KLF8: variants seen among roughly 807,000 people sequenced by gnomAD.
KLF8 encodes Krueppel-like factor 8.
KLF8 carries 10 observed loss-of-function variants against 18.2 expected under a neutral mutation model. The ratio of observed to expected loss-of-function variants is 0.55; its 90% confidence interval spans 0.34 to 0.93. The LOEUF (loss-of-function observed/expected upper bound fraction) is 0.93, where lower values mean the gene tolerates loss of function less well. KLF8 is among the 40% of genes least tolerant of loss of function. The pLI, the probability that KLF8 is intolerant of heterozygous loss-of-function variation, is 0.02. For missense variants in KLF8, 264 were observed against 277.9 expected, an observed-to-expected ratio of 0.95 and a Z score of 0.36; for synonymous variants, 109 against 97.3, an observed-to-expected ratio of 1.12 and a Z score of -0.71.
At chrX:56,213,432 C>T in the KLF8 span, among the ~76,000 whole-genome samples, 1 of 102,488 alleles carries the variant, frequency 9.8e-6, no homozygotes, top group Non-Finnish European at 2.0e-5. Flanking sequence ...AGCAATTCTC[C>T]TGCCTCAGGC....
chrX:56,076,622 G>C, the KLF8 span, among the ~76,000 whole-genome samples: 154 of 111,422 alleles, frequency 1.4e-3, 1 homozygote, highest in African/African-American at 4.4e-3. Flanking sequence ...TGTCTTTATA[G>C]CAGCATGACT....
the KLF8 span, among the ~76,000 whole-genome samples, chrX:55,937,748 TTCA>T: frequency 2.0e-4 from 22 of 112,393 alleles, no homozygotes; most frequent in African/African-American, 6.5e-4. Context: ...AGTAGCTGAT[TTCA>T]TCAACTGGAA....
intron 5 of KLF8, among the ~76,000 whole-genome samples, chrX:56,278,186 C>T (rs1035314448): frequency 2.7e-5 from 3 of 111,912 alleles, no homozygotes; most frequent in South Asian, 3.8e-4. Context: ...ACAAAGTCCC[C>T]TTTACTTTTC....
chrX:55,949,516 G>C, the KLF8 span, among the ~76,000 whole-genome samples: 1 of 111,138 alleles, frequency 9.0e-6, no homozygotes. Flanking sequence ...AAGAAGCACC[G>C]GGCATGGTGG....
the KLF8 span, among the ~76,000 whole-genome samples, chrX:56,201,440 G>A: frequency 9.0e-6 from 1 of 111,486 alleles, no homozygotes; most frequent in Non-Finnish European, 1.9e-5. Context: ...CATGGTAGTT[G>A]TTAGGGGTTG....
the KLF8 span, among the ~76,000 whole-genome samples, chrX:56,171,954 G>A: frequency 1.8e-5 from 2 of 111,190 alleles, no homozygotes; most frequent in Admixed American, 9.6e-5. Context: ...CCACACTATC[G>A]TCCACAATGG....
the KLF8 span, among the ~76,000 whole-genome samples, chrX:55,911,652 A>G: frequency 9.0e-6 from 1 of 111,635 alleles, no homozygotes; most frequent in Non-Finnish European, 1.9e-5. Flanking sequence ...CGAGGAAGGG[A>G]ATTGAGAGAA....
chrX:56,029,393 C>T, the KLF8 span, among the ~76,000 whole-genome samples: 3 of 111,395 alleles, frequency 2.7e-5, no homozygotes, highest in Non-Finnish European at 3.8e-5. Context: ...TGATGAGTCA[C>T]TTTATGTCCT....
chrX:56,106,572 A>T, the KLF8 span, among the ~76,000 whole-genome samples: 2 of 112,139 alleles, frequency 1.8e-5, no homozygotes, highest in Middle Eastern at 4.6e-3. Context: ...CAGGTCACTT[A>T]AGTTCTTCCC....
chrX:56,056,162 T>C, the KLF8 span, among the ~76,000 whole-genome samples: 4 of 111,913 alleles, frequency 3.6e-5, no homozygotes, highest in South Asian at 1.5e-3. Flanking sequence ...GTCAGGGTTC[T>C]TGTGTTGGTT....
At chrX:56,160,534 G>A in the KLF8 span, among the ~76,000 whole-genome samples, 1 of 111,487 alleles carries the variant, frequency 9.0e-6, no homozygotes, top group Non-Finnish European at 1.9e-5. Flanking sequence ...AAGTCTCTTT[G>A]TAGGTTACTA....
chrX:56,079,945 GT>G, the KLF8 span, among the ~76,000 whole-genome samples: 1 of 111,001 alleles, frequency 9.0e-6, no homozygotes, highest in African/African-American at 3.3e-5. Context: ...TTTAAAGTCT[GT>G]TTTATCAGAG....
At chrX:55,965,419 G>A in the KLF8 span, among the ~76,000 whole-genome samples, 3 of 111,652 alleles carry the variant, frequency 2.7e-5, no homozygotes, top group Admixed American at 2.8e-4. Flanking sequence ...CAAACCCACA[G>A]CCAACATCAT....
At chrX:56,081,022 G>C in the KLF8 span, among the ~76,000 whole-genome samples, 3 of 110,486 alleles carry the variant, frequency 2.7e-5, no homozygotes, top group Non-Finnish European at 5.7e-5. Flanking sequence ...GCACTTCTCT[G>C]TATTGGTTAT....
chrX:56,258,257 G>A (rs775706817), intron 2 of KLF8, among the ~76,000 whole-genome samples: 3 of 112,180 alleles, frequency 2.7e-5, no homozygotes, highest in Non-Finnish European at 5.6e-5. Flanking sequence ...CATTGAGCGT[G>A]CATAGCTACC....
the KLF8 span, among the ~76,000 whole-genome samples, chrX:56,077,564 G>A: frequency 8.9e-6 from 1 of 112,067 alleles, no homozygotes; most frequent in Non-Finnish European, 1.9e-5. Flanking sequence ...ATAGTTTGAA[G>A]TCAGGTAGCG....
chrX:55,910,464 G>A, the KLF8 span, among the ~76,000 whole-genome samples: 3 of 111,415 alleles, frequency 2.7e-5, no homozygotes, highest in Non-Finnish European at 5.6e-5. Flanking sequence ...GGAGCCAGCC[G>A]TGAGAATACC....
the KLF8 span, among the ~76,000 whole-genome samples, chrX:56,096,255 G>C: frequency 9.0e-6 from 1 of 111,167 alleles, no homozygotes; most frequent in Non-Finnish European, 1.9e-5. Context: ...GGTGCATCTA[G>C]CATAAAGAGT....
the KLF8 span, among the ~76,000 whole-genome samples, chrX:56,044,578 T>C: frequency 8.9e-6 from 1 of 112,875 alleles, no homozygotes; most frequent in African/African-American, 3.2e-5. Flanking sequence ...AGAAACAGTC[T>C]CGCCACAATC....
Sources: allele counts gnomAD v4.1 joint callset (sites outside exome capture counted in the v4.1 genomes callset), GRCh38; gene constraint gnomAD v4.1.1; transcripts MANE v1.5; gene names NCBI Gene and HGNC (gene_info 2026-07-23, HGNC 2026-07-21).